Variants in PLCH2 observed in about 807,000 individuals in gnomAD.
PLCH2 encodes 1-phosphatidylinositol 4,5-bisphosphate phosphodiesterase eta-2.
In PLCH2, 98 loss-of-function variants were observed where a neutral mutation model predicts 134.7. That is an observed-to-expected ratio of 0.73 (90% CI 0.62 to 0.86). The LOEUF is 0.86. Ranked by LOEUF, PLCH2 falls within the 40% of genes least tolerant of loss-of-function variation. PLCH2 has a pLI of 0.00. For synonymous variants in PLCH2, 974 were observed against 827.5 expected (o/e 1.18, Z -3.04); for missense variants, 1,994 against 1,986.6 (o/e 1.00, Z -0.07).
chr1:2,426,581 G>C (rs1414690420), intron 1 of PLCH2, among the ~76,000 whole-genome samples: 1 of 152,194 alleles, frequency 6.6e-6, no homozygotes, highest in African/African-American at 2.4e-5. Flanking sequence ...CTGGCCCCTC[G>C]CGGTCTTCCC....
chr1:2,421,605 C>A (rs536849055), upstream of PLCH2, among the ~76,000 whole-genome samples: 2 of 152,230 alleles, frequency 1.3e-5, no homozygotes, highest in South Asian at 4.2e-4. Flanking sequence ...TCTGTGGGCT[C>A]AAGTGGGAAT....
At chr1:2,500,216 G>A (rs370248581) in intron 20 of PLCH2, 1 of 170,108 alleles carries the variant, frequency 5.9e-6, no homozygotes, top group East Asian at 1.6e-4. Flanking sequence ...CTCGGCTTCC[G>A]CAGGAAGTGG....
At chr1:2,442,079 C>T (rs1204630303) in intron 2 of PLCH2, among the ~76,000 whole-genome samples, 4 of 152,158 alleles carry the variant, frequency 2.6e-5, no homozygotes, top group African/African-American at 7.2e-5. Context: ...GCCCTGCAGG[C>T]GGCAGGACGT....
chr1:2,493,035 G>A (rs542001468), intron 11 of PLCH2: 2 of 152,230 alleles, frequency 1.3e-5, no homozygotes, highest in African/African-American at 4.8e-5. Context: ...CAGCCTCCCT[G>A]ACAGAGGCAG....
chr1:2,418,749 C>A, the PLCH2 span, among the ~76,000 whole-genome samples: 1 of 152,204 alleles, frequency 6.6e-6, no homozygotes, highest in African/African-American at 2.4e-5. Context: ...GGGAGTGAGC[C>A]GTGTGCTCCG....
chr1:2,492,837 G>A (rs908689332), intron 11 of PLCH2, among the ~76,000 whole-genome samples: 24 of 152,142 alleles, frequency 1.6e-4, no homozygotes, highest in African/African-American at 4.8e-4. Context: ...CCTTGAGGAC[G>A]TGAGACCTCT....
chr1:2,490,471 G>C (rs537341140), intron 10 of PLCH2, among the ~76,000 whole-genome samples: 2 of 152,172 alleles, frequency 1.3e-5, no homozygotes, highest in African/African-American at 4.8e-5. Flanking sequence ...GTGAGGTGTT[G>C]GGCTCGGGGG....
chr1:2,503,839 C>T (rs1643373955), intron 21 of PLCH2, 83 bp from the exon 22 acceptor site: 11 of 641,364 alleles, frequency 1.7e-5, no homozygotes, highest in Admixed American at 6.9e-5. Flanking sequence ...CCTGATCCGA[C>T]TCCTCTCCGC....
At chr1:2,420,889 C>G in the PLCH2 span, among the ~76,000 whole-genome samples, 1 of 151,512 alleles carries the variant, frequency 6.6e-6, no homozygotes, top group Non-Finnish European at 1.5e-5. Flanking sequence ...CTGTGTTGTT[C>G]TGGTGCGAGT....
Position 2,479,901 on chromosome 1 carries a change from G to A in PLCH2, c.439G>A (p.Val147Ile), listed in dbSNP as rs1412396644. The change falls in exon 3 of 22, where the codon GTC becomes ATC. Residue 147 changes from valine (V) to isoleucine (I), a missense_variant. Val to Ile is a conservative substitution (Grantham distance 29). Around this residue, in one of 2 missense-constraint regions of PLCH2, gnomAD observed 1,094 missense variants for 1,234.3 expected, o/e 0.89. Coordinates refer to ENST00000378486, the MANE Select transcript of PLCH2 (RefSeq NM_014638.4). ...CAGCAGCGAGGTGGCGCGCACCTGGGTCACTGGCCTGCGCTACCTCATGGC... is the reference window on the plus strand; with the variant it reads ...CAGCAGCGAGGTGGCGCGCACCTGGATCACTGGCCTGCGCTACCTCATGGC... ...STSSEVARTW[V>I]TGLRYLMAGI... 1.9e-6 allele frequency: 3 copies of A among 1,611,910 alleles called. No homozygotes were observed. Among genetic ancestry groups the A allele is most frequent in the Non-Finnish European group, 2.5e-6 (3 of 1,179,576 alleles).
chr1:2,453,031 C>T (rs984720926), intron 2 of PLCH2, among the ~76,000 whole-genome samples: 8 of 152,186 alleles, frequency 5.3e-5, no homozygotes, highest in Non-Finnish European at 1.0e-4. Flanking sequence ...TCACCCCGCC[C>T]TTCCCCGTGG....
At chr1:2,474,066 G>GC (rs2100631058), upstream of PLCH2, among the ~76,000 whole-genome samples, 1 of 152,358 alleles carries the variant, frequency 6.6e-6, no homozygotes, top group South Asian at 2.1e-4. Flanking sequence ...GGATGGCCGG[G>GC]CCCTGGCTCA....
rs916528635 is a variant in PLCH2 at position 2,471,043 on chromosome 1, T to TG, written c.43+3389dup. Among the ~76,000 whole-genome samples the TG allele has an allele frequency of 5.2e-4, 73 of 139,198 alleles. 1 individual carries two copies. The highest frequency in any genetic ancestry group is 7.7e-4 in the Admixed American group (11 of 14,368). The allele number at this position is 139,198 out of a possible 152,430, so 91.3% of individuals were successfully genotyped here. A position where few individuals can be genotyped will look rare whatever the true frequency, so the allele number is the denominator to read the frequency against. ...GACAGGAGCCTCCAGGGACACACAA[T>TG]GGGGGGGGCACTCGCGGTGGGGGGA... On this transcript the variant is annotated intron_variant, in intron 1 of 21. Coordinates refer to the PLCH2 transcript ENST00000449969.
chr1:2,505,319 G>A lies in PLCH2; in HGVS notation c.*106G>A, dbSNP rs1557428487. 5 of 841,446 alleles carry A rather than the reference G, an allele frequency of 5.9e-6. No individual in the cohort carries two copies. Among genetic ancestry groups the A allele is most frequent in the South Asian group, 5.3e-5 (3 of 57,018 alleles). The allele number at this position is 841,446 out of a possible 1,614,324, so 52.1% of individuals were successfully genotyped here. On this transcript the variant is annotated 3_prime_UTR_variant, in exon 22 of 22. Transcript: ENST00000378486. ...CAGGCCCCCAAAACTGTGTCCCCCT[G>A]GCTGCCCTGTGTCCCCTCCACCCCT...
chr1:2,417,230 C>T, the PLCH2 span, among the ~76,000 whole-genome samples: 2 of 152,208 alleles, frequency 1.3e-5, no homozygotes, highest in African/African-American at 2.4e-5. Context: ...TGGGGTGAAC[C>T]GGCTGATAAC....
chr1:2,476,614 A>G lies in PLCH2; in HGVS notation c.26A>G (p.Asp9Gly). Reference protein sequence around the residue: MSGPWPSPDSRTKGTVAWL... With the variant: MSGPWPSPGSRTKGTVAWL... ...ATGTCTGGTCCATGGCCCTCCCCCG[A>G]CAGCCGGACCAAGGGAACGGTGGCC... The change falls in exon 1 of 22, where the codon GAC becomes GGC. Residue 9 changes from aspartate (D) to glycine (G), a missense_variant. Physicochemically the swap from Asp to Gly is moderately conservative, Grantham distance 94. Coordinates refer to ENST00000378486, the MANE Select transcript of PLCH2 (RefSeq NM_014638.4). 6.3e-7 allele frequency: 1 copy of G among 1,589,834 alleles called. No homozygotes were observed. The highest frequency in any genetic ancestry group is 1.1e-5 in the South Asian group (1 of 88,208).
Position 2,502,299 on chromosome 1 carries a change from G to A in PLCH2, c.2849G>A (p.Gly950Asp), listed in dbSNP as rs1004447167. 6.5e-7 allele frequency: 1 copy of A among 1,537,440 alleles called. No homozygotes were observed. The highest frequency in any genetic ancestry group is 8.8e-7 in the Non-Finnish European group (1 of 1,142,538). The change falls in exon 21 of 22, where the codon GGT becomes GAT. Residue 950 changes from glycine (G) to aspartate (D), a missense_variant. Physicochemically the swap from Gly to Asp is moderately conservative, Grantham distance 94. Coordinates refer to ENST00000378486, the MANE Select transcript of PLCH2 (RefSeq NM_014638.4). ...GRRGFPELVL[G>D]TRDTGSKGVA... ...AGGGGCTTCCCGGAGCTGGTCCTGGGTACACGGGACACAGGCTCCAAGGGG... is the reference window on the plus strand; with the variant it reads ...AGGGGCTTCCCGGAGCTGGTCCTGGATACACGGGACACAGGCTCCAAGGGG...
chr1:2,452,827 T>TGCA (rs1640310250), intron 2 of PLCH2, among the ~76,000 whole-genome samples: 1 of 152,130 alleles, frequency 6.6e-6, no homozygotes, highest in South Asian at 2.1e-4. Context: ...TGGCCCCGGG[T>TGCA]GCAGCAAGTA....
chr1:2,447,886 A>T (rs1640013042), intron 2 of PLCH2, among the ~76,000 whole-genome samples: 1 of 152,128 alleles, frequency 6.6e-6, no homozygotes, highest in South Asian at 2.1e-4. Flanking sequence ...GCAAGGCCTG[A>T]GGTCTTTCCG....
Sources: allele counts gnomAD v4.1 joint callset (sites outside exome capture counted in the v4.1 genomes callset), GRCh38; gene constraint gnomAD v4.1.1; regional missense constraint gnomAD v4.1.1; transcripts MANE v1.5; gene names NCBI Gene and HGNC (gene_info 2026-07-23, HGNC 2026-07-21).